The following GUCA1C variants were observed in gnomAD, a reference collection of about 807,000 sequenced individuals.
GUCA1C encodes guanylate cyclase activator 1C, also known as guanylyl cyclase-activating protein 3.
GUCA1C carries 15 observed loss-of-function variants against 16.2 expected under a neutral mutation model. The ratio of observed to expected loss-of-function variants is 0.93; its 90% CI spans 0.62 to 1.43. GUCA1C has a LOEUF of 1.43. Ranked by LOEUF, GUCA1C falls within the 40% of genes most tolerant of loss-of-function variation. GUCA1C has a pLI of 0.00. For missense variants in GUCA1C, 275 were observed against 244.8 expected (o/e 1.12, Z -0.82); for synonymous variants, 78 against 85.4 (o/e 0.91, Z 0.48).
Position 108,916,152 on chromosome 3 carries a change from G to A in GUCA1C, c.417C>T (p.Phe139=), listed in dbSNP as rs1309861628. The A allele has an allele frequency of 1.9e-6, 3 of 1,612,988 alleles. No individual in the cohort carries two copies. The highest frequency in any genetic ancestry group is 2.5e-6 in the Non-Finnish European group (3 of 1,179,060). ...CATCATTGTTTATATCGATCTTATG[G>A]AACACCAAGTTGATGAATTCTTCAG... is the stretch of plus-strand genomic sequence containing the variant. ...LSPEEFINLV[F]HKIDINNDGE... Residue 139 remains phenylalanine (F), a synonymous_variant, in exon 3 of 4, where the codon TTC becomes TTT. Transcript: ENST00000261047.
Position 108,907,951 on chromosome 3 carries a change from A to C in GUCA1C, c.*71T>G. The C allele has an allele frequency of 1.8e-6, 2 of 1,098,012 alleles. No homozygotes were observed. Among genetic ancestry groups the C allele is most frequent in the Admixed American group, 4.5e-5 (2 of 44,840 alleles). 68.0% of individuals were successfully genotyped at this position (1,098,012 alleles called of 1,614,324 possible). A position where few individuals can be genotyped will look rare whatever the true frequency, so the allele number is the denominator to read the frequency against. On this transcript the variant is annotated 3_prime_UTR_variant, in exon 4 of 4. Transcript: ENST00000261047. ...AAGACCTGAAATCAACAGCATGTAC[A>C]TGGGGAAGATTCTATTTCTTCTCTA...
chr3:108,936,952 A>AT (rs1946733080), intron 1 of GUCA1C, among the ~76,000 whole-genome samples: 1 of 151,962 alleles, frequency 6.6e-6, no homozygotes. Context: ...TTCCTGGTGT[A>AT]TTTCATGAAC....
chr3:108,930,067 C>T (rs1304200913), intron 1 of GUCA1C, among the ~76,000 whole-genome samples: 1 of 152,150 alleles, frequency 6.6e-6, no homozygotes, highest in Non-Finnish European at 1.5e-5. Flanking sequence ...GAATCATATG[C>T]TTCAAACCTG....
chr3:108,916,962 T>A (rs1946524113), intron 2 of GUCA1C, among the ~76,000 whole-genome samples: 1 of 152,352 alleles, frequency 6.6e-6, no homozygotes, highest in African/African-American at 2.4e-5. Flanking sequence ...CATATTTCAA[T>A]TAGAGGACAC....
intron 1 of GUCA1C, among the ~76,000 whole-genome samples, chr3:108,943,771 C>T (rs141812621): frequency 6.6e-5 from 10 of 152,278 alleles, no homozygotes; most frequent in East Asian, 1.9e-4. Flanking sequence ...TTATCCCTCA[C>T]GCCCCCCTCA....
intron 3 of GUCA1C, among the ~76,000 whole-genome samples, chr3:108,910,299 C>T (rs1347431185): frequency 2.6e-5 from 4 of 152,070 alleles, no homozygotes; most frequent in African/African-American, 9.7e-5. Context: ...GAGTTCCAGA[C>T]CAGTCTGGCC....
Position 108,908,178 on chromosome 3 carries a change from G to A in GUCA1C, c.474C>T (p.Gly158=), listed in dbSNP as rs367948714. The A allele has an allele frequency of 1.9e-5, 31 of 1,613,352 alleles. No homozygotes were observed. The Middle Eastern group carries it at 4.9e-4, about 26-fold the overall frequency. Residue 158 remains glycine (G), a synonymous_variant, in exon 4 of 4, where the codon GGC becomes GGT. Transcript: ENST00000261047. ...CCAGGAGATCCTGATCTTTTGCCAT[G>A]CCATTGATAAATTCTTCTAAAGTCA... The part of the protein sequence containing the change: ...GELTLEEFIN[G]MAKDQDLLEI...
chr3:108,925,598 A>G (rs979529870), intron 1 of GUCA1C, among the ~76,000 whole-genome samples: 1 of 152,186 alleles, frequency 6.6e-6, no homozygotes, highest in Non-Finnish European at 1.5e-5. Flanking sequence ...TATATTCTAT[A>G]GGTGTTGGGT....
chr3:108,954,979 G>A (rs995494870), upstream of GUCA1C, among the ~76,000 whole-genome samples: 6 of 151,856 alleles, frequency 4.0e-5, no homozygotes, highest in South Asian at 6.2e-4. Flanking sequence ...CTCATGATCC[G>A]CCTCAGCCTC....
intron 1 of GUCA1C, among the ~76,000 whole-genome samples, chr3:108,927,457 C>G (rs1946633448): frequency 7.6e-6 from 1 of 132,264 alleles, no homozygotes; most frequent in Non-Finnish European, 1.5e-5. Flanking sequence ...TTGTCTCTGA[C>G]TGATTGGGTT....
intron 1 of GUCA1C, among the ~76,000 whole-genome samples, chr3:108,939,547 A>C (rs1946764189): frequency 6.6e-6 from 1 of 151,288 alleles, no homozygotes; most frequent in African/African-American, 2.4e-5. Flanking sequence ...GGTTGATCTC[A>C]AACTCCTGAC....
chr3:108,946,400 T>C (rs1181477441), intron 1 of GUCA1C, among the ~76,000 whole-genome samples: 1 of 151,960 alleles, frequency 6.6e-6, no homozygotes, highest in Non-Finnish European at 1.5e-5. Flanking sequence ...CTTTCAAGAG[T>C]GTTGGGATTA....
intron 1 of GUCA1C, among the ~76,000 whole-genome samples, chr3:108,950,861 G>T (rs752246123): frequency 2.0e-5 from 3 of 152,018 alleles, no homozygotes; most frequent in Non-Finnish European, 2.9e-5. Flanking sequence ...AAATTTTCAG[G>T]GTTTTTAACA....
At chr3:108,912,648 G>A (rs1429284583) in intron 3 of GUCA1C, among the ~76,000 whole-genome samples, 1 of 149,184 alleles carries the variant, frequency 6.7e-6, no homozygotes, top group Admixed American at 6.7e-5. Context: ...ATTAACTCCT[G>A]CTAACTGATC....
rs2107267818 is a variant in GUCA1C, at chr3:108,908,108, T to G, written c.544A>C (p.Ile182Leu). Residue 182 changes from isoleucine to leucine, a missense_variant, in exon 4 of 4, where the codon ATC becomes CTC. Ile to Leu is a conservative substitution (Grantham distance 5). Coordinates refer to ENST00000261047, the MANE Select transcript of GUCA1C (RefSeq NM_005459.4). ...ATGTCTGGCTGCTTCCCATTACAGA[T>G]TACTCTCAGCACATTGGAGAAGTCG... ...SFDFSNVLRV[I>L]CNGKQPDMET... The G allele has an allele frequency of 6.2e-7, 1 of 1,613,650 alleles. No individual in the cohort carries two copies. The highest frequency in any genetic ancestry group is 2.2e-5 in the East Asian group (1 of 44,866).
chr3:108,927,905 G>A (rs1302461251), intron 1 of GUCA1C, among the ~76,000 whole-genome samples: 1 of 152,184 alleles, frequency 6.6e-6, no homozygotes, highest in Non-Finnish European at 1.5e-5. Flanking sequence ...CCCATGGGAT[G>A]CTCCCTTGAT....
At chr3:108,942,194 G>A (rs973223329) in intron 1 of GUCA1C, among the ~76,000 whole-genome samples, 2 of 152,160 alleles carry the variant, frequency 1.3e-5, no homozygotes, top group African/African-American at 4.8e-5. Context: ...TTGTTGTAAG[G>A]ATTCTATGAA....
chr3:108,943,341 G>C (rs1946807469), intron 1 of GUCA1C, among the ~76,000 whole-genome samples: 1 of 152,160 alleles, frequency 6.6e-6, no homozygotes, highest in African/African-American at 2.4e-5. Flanking sequence ...CACCTCCTGG[G>C]TAGAGATACA....
chr3:108,910,122 C>T (rs1946434552), intron 3 of GUCA1C, among the ~76,000 whole-genome samples: 1 of 152,170 alleles, frequency 6.6e-6, no homozygotes, highest in Admixed American at 6.5e-5. Flanking sequence ...TGTGGATTTA[C>T]GCCCCAACAA....
Sources: allele counts gnomAD v4.1 joint callset (sites outside exome capture counted in the v4.1 genomes callset), GRCh38; gene constraint gnomAD v4.1.1; transcripts MANE v1.5; gene names NCBI Gene and HGNC (gene_info 2026-07-23, HGNC 2026-07-21).